The following COL6A5 variants were observed in gnomAD, a reference collection of about 807,000 sequenced individuals.
COL6A5 encodes collagen type VI alpha 5 chain.
A neutral mutation model predicts 65.6 loss-of-function variants in COL6A5; 48 were observed. The observed-to-expected ratio is 0.73, with a 90% CI of 0.58 to 0.93. The LOEUF (loss-of-function observed/expected upper bound fraction) is 0.93, where lower values mean the gene tolerates loss of function less well. COL6A5 is among the 40% of genes least tolerant of loss of function. The pLI, the probability that COL6A5 is intolerant of heterozygous loss-of-function variation, is 0.00. For synonymous variants in COL6A5, 291 were observed against 322.8 expected (o/e 0.90, Z 1.05); for missense variants, 914 against 928.3 (o/e 0.98, Z 0.20).
exon 6 of COL6A5, chr3:130,389,020 A>C (rs1159584877): frequency 6.5e-7 from 1 of 1,542,300 alleles, no homozygotes; most frequent in African/African-American, 1.4e-5. Flanking sequence ...CAATGCCAAT[A>C]GATCTCAGCT....
chr3:130,440,708 A>G lies in COL6A5; in HGVS notation c.1126A>G (p.Met376Val), dbSNP rs772704372. The stretch of plus-strand genomic sequence containing the variant: ...TCTGGGCTCTACACGTAAGGATGAC[A>G]TGGAGGAGTTAGCCAGCTACCCACT... The change falls in exon 3 of 8, where the codon ATG becomes GTG. Residue 376 changes from methionine (M) to valine (V), a missense_variant. Transcript: ENST00000512836. 16 of 1,613,560 alleles carry G rather than the reference A, an allele frequency of 9.9e-6. No individual in the cohort carries two copies. The South Asian group carries it at 1.2e-4, about 12-fold the overall frequency.
chr3:130,370,630 A>C (rs1935520413), intron 1 of COL6A5, among the ~76,000 whole-genome samples: 1 of 152,234 alleles, frequency 6.6e-6, no homozygotes, highest in African/African-American at 2.4e-5. Context: ...CAGACTAATC[A>C]GAATAACTTA....
In COL6A5 at chr3:130,411,493, G is replaced by C. The variant is rs564387476; in HGVS notation, c.4662+969G>C. ...TATACCACTTGCCTTTGTTTATCTTGAACCACAATTCTTAAAGGAAAAGAG... is the reference window on the plus strand; with the variant it reads ...TATACCACTTGCCTTTGTTTATCTTCAACCACAATTCTTAAAGGAAAAGAG... On this transcript the variant is annotated intron_variant and NMD_transcript_variant, in intron 20 of 41. Transcript: ENST00000312481. Among the ~76,000 whole-genome samples, 3 of 152,208 alleles carry C rather than the reference G, an allele frequency of 2.0e-5. No individual in the cohort carries two copies. In the South Asian group the frequency reaches 6.2e-4, roughly 32 times the overall value.
chr3:130,409,355 G>A (rs758875139), exon 18 of COL6A5: 9 of 1,547,838 alleles, frequency 5.8e-6, no homozygotes, highest in Non-Finnish European at 7.9e-6. Flanking sequence ...GTGCCCCTGG[G>A]CAGTATGGAG....
At chr3:130,440,505 C>A (rs1358352828) in exon 3 of COL6A5, 2 of 1,613,600 alleles carry the variant, frequency 1.2e-6, no homozygotes, top group Non-Finnish European at 1.7e-6. Context: ...AATGGAGAAG[C>A]AACAATTGGT....
intron 4 of COL6A5, among the ~76,000 whole-genome samples, chr3:130,449,969 A>G (rs542850891): frequency 6.6e-6 from 1 of 152,124 alleles, no homozygotes; most frequent in Non-Finnish European, 1.5e-5. Flanking sequence ...CGTGGGGACA[A>G]TCAAAGGCAA....
intron 5 of COL6A5, among the ~76,000 whole-genome samples, chr3:130,459,572 C>G (rs1709657604): frequency 6.6e-6 from 1 of 151,994 alleles, no homozygotes; most frequent in Non-Finnish European, 1.5e-5. Context: ...GACAGCCCCT[C>G]ACAACAATGA....
At chr3:130,426,436 C>T in intron 31 of COL6A5, 33 bp downstream of exon 31, 1 of 1,549,116 alleles carries the variant, frequency 6.5e-7, no homozygotes, top group Admixed American at 2.0e-5. Context: ...GAGCATCCAT[C>T]AATGGTTGGT....
exon 8 of COL6A5, chr3:130,394,939 CAG>C: frequency 4.5e-6 from 7 of 1,551,540 alleles, no homozygotes; most frequent in Non-Finnish European, 6.1e-6. Flanking sequence ...ATGGCTCTGA[CAG>C]GGTATCTAAT....
chr3:130,432,788 C>A (rs1018362664), intron 1 of COL6A5, among the ~76,000 whole-genome samples: 1 of 151,978 alleles, frequency 6.6e-6, no homozygotes, highest in African/African-American at 2.4e-5. Context: ...ATCTTTGAAC[C>A]CCTATGGTGG....
chr3:130,472,856 T>TATAC (rs1553760940), intron 7 of COL6A5, among the ~76,000 whole-genome samples: 5 of 143,376 alleles, frequency 3.5e-5, no homozygotes, highest in Non-Finnish European at 6.1e-5. Flanking sequence ...TATATATATA[T>TATAC]ATACACATTT....
chr3:130,398,225 G>T, intron 10 of COL6A5, 114 bp downstream of exon 10: 1 of 705,754 alleles, frequency 1.4e-6, no homozygotes, highest in Non-Finnish European at 2.4e-6. Context: ...CCACCTTCTG[G>T]GTTCACACCA....
chr3:130,444,461 G>A (rs1274931641), intron 4 of COL6A5, among the ~76,000 whole-genome samples: 1 of 152,036 alleles, frequency 6.6e-6, no homozygotes, highest in Non-Finnish European at 1.5e-5. Context: ...TATTAATTTG[G>A]GGGAACTAAT....
Position 130,421,435 on chromosome 3 carries a change from C to A in COL6A5, c.5037+75C>A, listed in dbSNP as rs1213671617. ...TGAGAACTGAGATAAACCTGTAGGT[C>A]TGAATGAAATGGGGACAATAAGGAG... On this transcript the variant is annotated intron_variant and NMD_transcript_variant, in intron 27 of 41. Transcript: ENST00000312481. The A allele has an allele frequency of 6.5e-6, 9 of 1,389,526 alleles. No individual in the cohort carries two copies. The South Asian group carries it at 8.7e-5, about 13-fold the overall frequency. The allele number at this position is 1,389,526 out of a possible 1,614,324, so 86.1% of individuals were successfully genotyped here.
intron 1 of COL6A5, among the ~76,000 whole-genome samples, chr3:130,367,444 C>T (rs1473518974): frequency 1.3e-5 from 2 of 152,152 alleles, no homozygotes; most frequent in African/African-American, 2.4e-5. Flanking sequence ...ACTTGCCTTC[C>T]GACCTGCCTT....
At chr3:130,425,591 G>T (rs116217941) in intron 29 of COL6A5, among the ~76,000 whole-genome samples, 1,649 of 152,268 alleles carry the variant, frequency 0.011, 34 homozygotes, top group African/African-American at 0.036. Flanking sequence ...CTTTCAGGAA[G>T]TCTTCCCTGA....
At chr3:130,398,297 A>AT (rs1936687262) in intron 10 of COL6A5, among the ~76,000 whole-genome samples, 186 bp downstream of exon 10, 3 of 151,762 alleles carry the variant, frequency 2.0e-5, no homozygotes, top group South Asian at 2.1e-4. Context: ...CGCCCAGCTA[A>AT]TTTTTTGTAT....
chr3:130,403,111 T>C (rs1435961656), intron 12 of COL6A5, among the ~76,000 whole-genome samples: 1 of 152,224 alleles, frequency 6.6e-6, no homozygotes, highest in Non-Finnish European at 1.5e-5. Flanking sequence ...AATGAAATGT[T>C]TGCCACAAGT....
chr3:130,471,074 TTGTGTG>T (rs34150957), intron 7 of COL6A5, 107 bp downstream of exon 39: 64 of 553,314 alleles, frequency 1.2e-4, no homozygotes, highest in South Asian at 7.0e-4. Flanking sequence ...GTGTGTGTTT[TTGTGTG>T]TGTGTGTGTG....
Sources: allele counts gnomAD v4.1 joint callset (sites outside exome capture counted in the v4.1 genomes callset), GRCh38; gene constraint gnomAD v4.1.1; transcripts MANE v1.5; gene names NCBI Gene and HGNC (gene_info 2026-07-23, HGNC 2026-07-21).